Variants in RGS5 observed in about 807,000 individuals in gnomAD.
The protein encoded by RGS5 is regulator of G protein signaling 5.
A neutral mutation model predicts 18.9 loss-of-function variants in RGS5; 20 were observed. The ratio of observed to expected loss-of-function variants is 1.06; its 90% CI spans 0.74 to 1.54. RGS5 has a LOEUF of 1.54. Among genes scored for constraint, RGS5 ranks in the 40% most tolerant of loss-of-function variants. RGS5 has a pLI of 0.00. For missense variants in RGS5, 201 were observed against 211.8 expected, an observed-to-expected ratio of 0.95 and a Z score of 0.32; for synonymous variants, 57 against 76.2, an observed-to-expected ratio of 0.75 and a Z score of 1.31.
chr1:163,294,432 A>G (rs1369133761), intron 2 of RGS5, among the ~76,000 whole-genome samples: 1 of 152,182 alleles, frequency 6.6e-6, no homozygotes, highest in Non-Finnish European at 1.5e-5. Flanking sequence ...CATTTTAGTC[A>G]TGACTGGAGC....
rs550866929 is a variant in RGS5 at position 163,159,192 on chromosome 1, T to A, written c.217+2723A>T. On this transcript the variant is annotated intron_variant, in intron 3 of 4. Coordinates refer to ENST00000313961, the MANE Select transcript of RGS5 (RefSeq NM_003617.4). Reference sequence around the variant, plus strand: ...TCAAACACACATGCTCTACAAACAATTTGTGCAGTTAATGCAATCATCACA... The same window carrying A: ...TCAAACACACATGCTCTACAAACAAATTGTGCAGTTAATGCAATCATCACA... Among the ~76,000 whole-genome samples, 3 of 152,234 alleles carry A rather than the reference T, an allele frequency of 2.0e-5. No homozygotes were observed. In the South Asian group the frequency reaches 6.2e-4, roughly 32 times the overall value.
chr1:163,182,013 T>C (rs1392586804), intron 1 of RGS5, among the ~76,000 whole-genome samples: 1 of 152,186 alleles, frequency 6.6e-6, no homozygotes. Flanking sequence ...ATTAATAGGT[T>C]TAGCATGGAA....
intron 2 of RGS5, among the ~76,000 whole-genome samples, chr1:163,251,386 A>G (rs1212440721): frequency 2.0e-5 from 3 of 152,194 alleles, no homozygotes; most frequent in Non-Finnish European, 4.4e-5. Flanking sequence ...ATAAAGCCAC[A>G]GTGAAGAAAA....
At chr1:163,208,047 T>C (rs182810571) in intron 1 of RGS5, among the ~76,000 whole-genome samples, 265 of 152,236 alleles carry the variant, frequency 1.7e-3, no homozygotes, top group Admixed American at 3.1e-3. Context: ...TAAATGTGCA[T>C]AAATTTTCCA....
intron 2 of RGS5, among the ~76,000 whole-genome samples, chr1:163,226,159 A>C (rs1647327236): frequency 6.6e-6 from 1 of 150,394 alleles, no homozygotes; most frequent in African/African-American, 2.4e-5. Context: ...ACCTCAGGTG[A>C]TCCGCCCACC....
chr1:163,245,934 G>T (rs1647916846), intron 2 of RGS5, among the ~76,000 whole-genome samples: 1 of 152,242 alleles, frequency 6.6e-6, no homozygotes, highest in African/African-American at 2.4e-5. Context: ...AAGAATACCA[G>T]TCCGGGGGCT....
intron 2 of RGS5, among the ~76,000 whole-genome samples, chr1:163,239,977 T>C: frequency 6.6e-6 from 1 of 152,108 alleles, no homozygotes; most frequent in East Asian, 1.9e-4. Flanking sequence ...TTATCTGAAT[T>C]CCAAAATAAA....
chr1:163,205,345 T>TAAAA (rs35747068), upstream of RGS5, among the ~76,000 whole-genome samples: 3 of 72,720 alleles, frequency 4.1e-5, no homozygotes, highest in African/African-American at 1.1e-4. Context: ...TTAACCACAG[T>TAAAA]AAAAAAAAAA....
At chr1:163,222,873 AT>A (rs1242048631) in intron 2 of RGS5, among the ~76,000 whole-genome samples, 2 of 151,838 alleles carry the variant, frequency 1.3e-5, no homozygotes, top group Non-Finnish European at 2.9e-5. Context: ...TTATTTATAT[AT>A]TTTTTAAGAC....
At chr1:163,254,718 G>T (rs377618404) in intron 2 of RGS5, among the ~76,000 whole-genome samples, 2 of 151,670 alleles carry the variant, frequency 1.3e-5, no homozygotes, top group Non-Finnish European at 2.9e-5. Context: ...ATGAAGTCCT[G>T]GCCCATGCCT....
At chr1:163,157,445 G>A (rs563679521) in intron 3 of RGS5, among the ~76,000 whole-genome samples, 1 of 152,238 alleles carries the variant, frequency 6.6e-6, no homozygotes, top group South Asian at 2.1e-4. Context: ...AAAAATGAAG[G>A]AAAGTGAGAA....
intron 2 of RGS5, among the ~76,000 whole-genome samples, chr1:163,292,737 T>C (rs929037539): frequency 6.6e-6 from 1 of 152,234 alleles, no homozygotes; most frequent in Non-Finnish European, 1.5e-5. Context: ...GGTATCTCAA[T>C]GTGCTTTTGA....
chr1:163,191,254 G>A (rs12139414), intron 1 of RGS5, among the ~76,000 whole-genome samples: 18,197 of 152,048 alleles, frequency 0.12, 1,093 homozygotes, highest in South Asian at 0.21. Flanking sequence ...TAGCCTTGGA[G>A]GGCTACAAAT....
intron 1 of RGS5, among the ~76,000 whole-genome samples, chr1:163,209,272 C>G (rs767324800): frequency 1.3e-5 from 2 of 152,012 alleles, no homozygotes; most frequent in South Asian, 2.1e-4. Flanking sequence ...TATTCTTTTC[C>G]ACCAGTATAT....
chr1:163,256,881 A>T (rs1000153136), intron 2 of RGS5, among the ~76,000 whole-genome samples: 6 of 152,198 alleles, frequency 3.9e-5, no homozygotes, highest in Admixed American at 3.9e-4. Context: ...TATTTAGAAA[A>T]CAACTTGTTT....
At chr1:163,272,669 C>G (rs1446423132) in intron 2 of RGS5, among the ~76,000 whole-genome samples, 1 of 151,912 alleles carries the variant, frequency 6.6e-6, no homozygotes, top group Non-Finnish European at 1.5e-5. Flanking sequence ...AGAAGTTATC[C>G]TTTCCCCTTT....
chr1:163,271,617 T>C (rs7518042), intron 2 of RGS5, among the ~76,000 whole-genome samples: 95,926 of 152,048 alleles, frequency 0.63, 30,729 homozygotes, highest in Non-Finnish European at 0.68. Context: ...TGTTGTAGCA[T>C]GTGTCACTCT....
At chr1:163,301,113 G>A (rs1345717908) in intron 2 of RGS5, among the ~76,000 whole-genome samples, 1 of 152,106 alleles carries the variant, frequency 6.6e-6, no homozygotes, top group Non-Finnish European at 1.5e-5. Context: ...GCCAAAATAG[G>A]GAGGCATTAT....
chr1:163,162,118 A>AT (rs1657824983), intron 2 of RGS5, 142 bp from the exon 3 acceptor site: 1 of 612,076 alleles, frequency 1.6e-6, no homozygotes, highest in African/African-American at 1.8e-5. Context: ...AGTTTAAGTT[A>AT]TTTTCTCTCT....
Sources: allele counts gnomAD v4.1 joint callset (sites outside exome capture counted in the v4.1 genomes callset), GRCh38; gene constraint gnomAD v4.1.1; transcripts MANE v1.5; gene names NCBI Gene and HGNC (gene_info 2026-07-23, HGNC 2026-07-21).